The following AFAP1L1 variants were observed in gnomAD, a reference collection of about 807,000 sequenced individuals.
The protein encoded by AFAP1L1 is actin filament associated protein 1 like 1.
A neutral mutation model predicts 99.8 loss-of-function variants in AFAP1L1; 77 were observed. That is an observed-to-expected ratio of 0.77 (90% CI 0.64 to 0.93). The LOEUF is 0.93. Among genes scored for constraint, AFAP1L1 ranks in the 40% least tolerant of loss-of-function variants. AFAP1L1 has a pLI of 0.00. For missense variants in AFAP1L1, 893 were observed against 996.8 expected, an observed-to-expected ratio of 0.90 and a Z score of 1.40; for synonymous variants, 373 against 395.3, an observed-to-expected ratio of 0.94 and a Z score of 0.67.
At chr5:149,283,359 G>A (rs1053108967) in intron 1 of AFAP1L1, among the ~76,000 whole-genome samples, 28 of 152,296 alleles carry the variant, frequency 1.8e-4, no homozygotes, top group Middle Eastern at 6.8e-3. Context: ...ACTTGGCTGG[G>A]ACACATTGTT....
Position 149,304,964 on chromosome 5 carries a change from G to GC in AFAP1L1, c.437-1342_437-1341insC, listed in dbSNP as rs1021478138. Among the ~76,000 whole-genome samples, 5 of 998 alleles carry GC rather than the reference G, an allele frequency of 5.0e-3. No homozygotes were observed. In the Admixed American group the frequency reaches 0.11, roughly 22 times the overall value. The allele number at this position is 998 out of a possible 152,430, so 0.7% of individuals were successfully genotyped here. On this transcript the variant is annotated intron_variant, in intron 5 of 18. Coordinates refer to ENST00000296721, the MANE Select transcript of AFAP1L1 (RefSeq NM_152406.4). ...ACTGGGTGAAGGAAGGCTTCCTGGA[G>GC]GGGGATGTGCACCATCCCCTGAGCT... is the stretch of plus-strand genomic sequence containing the variant.
At chr5:149,286,837 A>T (rs549730407) in intron 1 of AFAP1L1, among the ~76,000 whole-genome samples, 1 of 152,314 alleles carries the variant, frequency 6.6e-6, no homozygotes, top group East Asian at 1.9e-4. Context: ...CGACTTGCCC[A>T]AGGTCACACA....
At chr5:149,273,608 T>A (rs1326227388) in intron 1 of AFAP1L1, among the ~76,000 whole-genome samples, 1 of 152,126 alleles carries the variant, frequency 6.6e-6, no homozygotes, top group Non-Finnish European at 1.5e-5. Flanking sequence ...GGCCTAGATT[T>A]GTAAAGCAGT....
At chr5:149,317,210 T>C (rs1412857697) in intron 11 of AFAP1L1, among the ~76,000 whole-genome samples, 3 of 152,188 alleles carry the variant, frequency 2.0e-5, no homozygotes, top group African/African-American at 7.2e-5. Context: ...AGAAATATTT[T>C]GTAATTAGTG....
At chr5:149,279,817 G>T (rs1173543919) in intron 1 of AFAP1L1, among the ~76,000 whole-genome samples, 1 of 152,110 alleles carries the variant, frequency 6.6e-6, no homozygotes, top group Non-Finnish European at 1.5e-5. Flanking sequence ...GTTCACCCTT[G>T]CTCTTCCTTA....
intron 4 of AFAP1L1, among the ~76,000 whole-genome samples, chr5:149,302,157 G>A (rs1193097928): frequency 2.0e-5 from 3 of 152,246 alleles, no homozygotes; most frequent in Non-Finnish European, 4.4e-5. Flanking sequence ...CATGTGCTCA[G>A]TAAAAAGTAT....
intron 18 of AFAP1L1, among the ~76,000 whole-genome samples, chr5:149,336,989 A>G (rs542507681): frequency 2.0e-5 from 3 of 152,240 alleles, no homozygotes; most frequent in Non-Finnish European, 4.4e-5. Context: ...GACTGGAAAG[A>G]CAGTTTGATA....
In AFAP1L1 at chr5:149,273,384, G is replaced by A. The variant is rs565545333; in HGVS notation, c.16+1400G>A. Reference sequence around the variant, plus strand: ...TTAGCAGGCACTGGGGCAGGGATGAGCCGGGAGCAGGTGTGGGGTAACCTC... The same window carrying A: ...TTAGCAGGCACTGGGGCAGGGATGAACCGGGAGCAGGTGTGGGGTAACCTC... On this transcript the variant is annotated intron_variant, in intron 1 of 18. Transcript: ENST00000296721. 8.5e-5 allele frequency among the ~76,000 whole-genome samples: 13 copies of A among 152,104 alleles called. No individual in the cohort carries two copies. The South Asian group carries it at 2.3e-3, about 27-fold the overall frequency.
intron 1 of AFAP1L1, among the ~76,000 whole-genome samples, chr5:149,279,986 T>C (rs1255812146): frequency 6.6e-6 from 1 of 152,208 alleles, no homozygotes; most frequent in Non-Finnish European, 1.5e-5. Context: ...AGGGCTCTCC[T>C]CTCCTTGGTC....
intron 4 of AFAP1L1, among the ~76,000 whole-genome samples, chr5:149,301,726 C>T (rs997258591): frequency 2.0e-5 from 3 of 152,162 alleles, no homozygotes; most frequent in Non-Finnish European, 2.9e-5. Flanking sequence ...ATATAGGATG[C>T]GCAACCTTGG....
At chr5:149,318,008 G>GT in intron 12 of AFAP1L1, 68 bp downstream of exon 12, 1 of 1,509,740 alleles carries the variant, frequency 6.6e-7, no homozygotes, top group South Asian at 1.3e-5. Flanking sequence ...TCATGTTTTT[G>GT]TTTGGGGGAG....
chr5:149,293,886 A>G (rs141487221), intron 1 of AFAP1L1, among the ~76,000 whole-genome samples: 45 of 152,302 alleles, frequency 3.0e-4, no homozygotes, highest in Non-Finnish European at 5.1e-4. Flanking sequence ...TAATGTGCCC[A>G]TCATTGCACA....
Position 149,331,234 on chromosome 5 carries a change from C to T in AFAP1L1, c.1975+1404C>T, listed in dbSNP as rs146135500. Among the ~76,000 whole-genome samples the T allele has an allele frequency of 4.9e-3, 740 of 151,946 alleles. 4 individuals carry two copies. Among genetic ancestry groups the T allele is most frequent in the Non-Finnish European group, 8.4e-3 (571 of 67,994 alleles). On this transcript the variant is annotated intron_variant, in intron 16 of 18. Transcript: ENST00000296721. ...GGAGGCCTGTTTGAGTGCAGGAGTT[C>T]GACACCAGCCTGAGCAACATAATGA... is the stretch of plus-strand genomic sequence containing the variant.
chr5:149,315,573 C>T (rs1167448595), intron 9 of AFAP1L1: 1 of 466,712 alleles, frequency 2.1e-6, no homozygotes, highest in African/African-American at 2.0e-5. Context: ...ACATTCATTT[C>T]AAAGTGTTAT....
At chr5:149,312,364 CT>C (rs1287327209) in intron 9 of AFAP1L1, 160 bp downstream of exon 9, 1 of 723,020 alleles carries the variant, frequency 1.4e-6, no homozygotes, top group East Asian at 2.7e-5. Context: ...TAATAAATGT[CT>C]CCTGAATTCA....
intron 1 of AFAP1L1, among the ~76,000 whole-genome samples, chr5:149,289,341 AAC>A (rs1247265418): frequency 6.6e-6 from 1 of 152,198 alleles, no homozygotes; most frequent in Non-Finnish European, 1.5e-5. Flanking sequence ...CGCTGTAATT[AAC>A]ACACACAAAA....
chr5:149,278,926 T>C (rs1317144775), intron 1 of AFAP1L1, among the ~76,000 whole-genome samples: 1 of 152,166 alleles, frequency 6.6e-6, no homozygotes, highest in African/African-American at 2.4e-5. Context: ...AGAGTAACTC[T>C]CAGATGTCCA....
At chr5:149,292,849 A>G (rs1755901253) in intron 1 of AFAP1L1, among the ~76,000 whole-genome samples, 1 of 152,224 alleles carries the variant, frequency 6.6e-6, no homozygotes, top group Admixed American at 6.5e-5. Flanking sequence ...GGAATTGGGA[A>G]CAAAGTTTTT....
chr5:149,285,180 AG>A (rs960796882), intron 1 of AFAP1L1, among the ~76,000 whole-genome samples: 3 of 152,114 alleles, frequency 2.0e-5, no homozygotes, highest in Non-Finnish European at 4.4e-5. Flanking sequence ...TAACACTGAA[AG>A]GTTTCTGCAG....
Sources: gnomAD v4.1 joint callset for allele counts (sites outside exome capture counted in the v4.1 genomes callset) on GRCh38, gnomAD v4.1.1 for gene constraint, MANE v1.5 for transcripts, NCBI Gene and HGNC (gene_info 2026-07-23, HGNC 2026-07-21) for gene names.